Variants in NWD1 observed in about 807,000 individuals in gnomAD.
NWD1 encodes NACHT domain- and WD repeat-containing protein 1.
A neutral mutation model predicts 135.1 loss-of-function variants in NWD1; 129 were observed. The observed-to-expected ratio is 0.96, with a 90% CI of 0.83 to 1.11. The LOEUF (loss-of-function observed/expected upper bound fraction) is 1.11. NWD1 is among the 50% of genes least tolerant of loss of function. The pLI, the probability that NWD1 is intolerant of heterozygous loss-of-function variation, is 0.00. For synonymous variants in NWD1, 773 were observed against 786.0 expected (o/e 0.98, Z 0.28); for missense variants, 1,740 against 1,851.3 (o/e 0.94, Z 1.10).
intron 4 of NWD1, among the ~76,000 whole-genome samples, chr19:16,743,346 G>A (rs573405314): frequency 2.6e-4 from 39 of 152,232 alleles, no homozygotes; most frequent in African/African-American, 8.9e-4. Flanking sequence ...GAGTACCTGA[G>A]ACTACAGATG....
chr19:16,807,192 GA>G (rs1485572474), intron 17 of NWD1, among the ~76,000 whole-genome samples: 1 of 147,644 alleles, frequency 6.8e-6, no homozygotes, highest in Non-Finnish European at 1.5e-5. Flanking sequence ...AAAAAAGAAA[GA>G]AAGAAAATAT....
Position 16,722,818 on chromosome 19 carries a change from G to A in NWD1, c.-104-1548G>A, listed in dbSNP as rs116152307. On this transcript the variant is annotated intron_variant, in intron 1 of 18. Transcript: ENST00000524140. ...TATTGGTTGACCTCTGGAGGGGCTG[G>A]GGATTAAGGTCAGCTATGCTGGTGG... is the stretch of plus-strand genomic sequence containing the variant. 1.7e-3 allele frequency among the ~76,000 whole-genome samples: 251 copies of A among 151,958 alleles called. 1 individual carries two copies. Among genetic ancestry groups the A allele is most frequent in the African/African-American group, 5.9e-3 (243 of 41,480 alleles).
chr19:16,735,734 G>A (rs1967768841), intron 3 of NWD1, among the ~76,000 whole-genome samples: 2 of 151,280 alleles, frequency 1.3e-5, no homozygotes. Flanking sequence ...GGAGACTGAG[G>A]CATAAGAATC....
chr19:16,738,976 T>A (rs886209934), intron 4 of NWD1, among the ~76,000 whole-genome samples: 3 of 149,046 alleles, frequency 2.0e-5, no homozygotes, highest in African/African-American at 7.4e-5. Flanking sequence ...GAAGCAATCC[T>A]CCAGCCTTAG....
chr19:16,723,975 C>T (rs150053211), intron 1 of NWD1, among the ~76,000 whole-genome samples: 174 of 152,264 alleles, frequency 1.1e-3, no homozygotes, highest in Non-Finnish European at 2.1e-3. Context: ...GGATTACAGG[C>T]GTGAGCCATC....
At position 16,750,247 on chromosome 19, in the gene NWD1, G is replaced by T; in HGVS notation, c.1605G>T (p.Arg535=). Reference sequence around the variant, plus strand: ...TCCCAGAGTGTGGGAACCCAGGGCGGCTGAGGCTGGCGTTTGAGGAAGCCC... The same window carrying T: ...TCCCAGAGTGTGGGAACCCAGGGCGTCTGAGGCTGGCGTTTGAGGAAGCCC... ...ASLPECGNPG[R]LRLAFEEARK... is the part of the protein sequence containing the mutation. Residue 535 remains arginine, a synonymous_variant, in exon 6 of 19, where the codon CGG becomes CGT. Transcript: ENST00000524140. 7 of 1,613,610 alleles carry T rather than the reference G, an allele frequency of 4.3e-6. No individual in the cohort carries two copies. Among genetic ancestry groups the T allele is most frequent in the Non-Finnish European group, 5.9e-6 (7 of 1,179,868 alleles).
Position 16,791,642 on chromosome 19 carries a change from A to G in NWD1, c.3213+20A>G, listed in dbSNP as rs772819638. 1.9e-6 allele frequency: 3 copies of G among 1,611,242 alleles called. No individual in the cohort carries two copies. Among genetic ancestry groups the G allele is most frequent in the Non-Finnish European group, 2.5e-6 (3 of 1,177,636 alleles). ...TCTTTGGTAAGCACCTTTACTGACTATGATGTGAACATTAACTCAGCTTGA... is the reference window on the plus strand; with the variant it reads ...TCTTTGGTAAGCACCTTTACTGACTGTGATGTGAACATTAACTCAGCTTGA... On this transcript the variant is annotated intron_variant, in intron 14 of 18. Coordinates refer to ENST00000524140, the MANE Select transcript of NWD1 (RefSeq NM_001007525.5).
chr19:16,763,373 G>A lies in NWD1; in HGVS notation c.2134-455G>A, dbSNP rs750702971. ...ACCCAGCCTGATATTCAGTGCCTTC[G>A]TGATCTGCTGCTTACAAGCTCCCTA... On this transcript the variant is annotated intron_variant, in intron 8 of 18. Transcript: ENST00000524140. Among the ~76,000 whole-genome samples the A allele has an allele frequency of 2.6e-5, 4 of 152,092 alleles. No individual in the cohort carries two copies. In the East Asian group the frequency reaches 5.8e-4, roughly 22 times the overall value.
intron 5 of NWD1, among the ~76,000 whole-genome samples, chr19:16,746,358 TCAAA>T (rs1005420775): frequency 2.0e-5 from 3 of 150,922 alleles, no homozygotes; most frequent in Non-Finnish European, 3.0e-5. Context: ...AGACCCCGTA[TCAAA>T]CAAACAAACA....
intron 15 of NWD1, among the ~76,000 whole-genome samples, chr19:16,795,883 C>A (rs920840144): frequency 3.3e-5 from 5 of 152,254 alleles, no homozygotes; most frequent in African/African-American, 9.6e-5. Flanking sequence ...GACAGAGGGC[C>A]ACAGTGTCAC....
intron 5 of NWD1, among the ~76,000 whole-genome samples, chr19:16,747,020 A>G (rs1968349528): frequency 6.7e-6 from 1 of 150,274 alleles, no homozygotes; most frequent in Non-Finnish European, 1.5e-5. Context: ...TCTAGTTCCA[A>G]GATATTTTCT....
rs565480764 is a variant in NWD1 at position 16,813,740 on chromosome 19, G to T, written c.4288-1288G>T. On this transcript the variant is annotated intron_variant, in intron 18 of 18. Transcript: ENST00000524140. ...GATCCACCCACCTCGGCCTCCCAAA[G>T]TGCTGGGATTAGAGATGTGAGCCAC... Among the ~76,000 whole-genome samples the T allele has an allele frequency of 6.6e-5, 10 of 150,958 alleles. No homozygotes were observed. The East Asian group carries it at 1.8e-3, about 27-fold the overall frequency.
intron 12 of NWD1, among the ~76,000 whole-genome samples, chr19:16,779,848 C>A (rs2122994694): frequency 6.6e-6 from 1 of 152,148 alleles, no homozygotes; most frequent in African/African-American, 2.4e-5. Flanking sequence ...GTTGCCCAGG[C>A]TGGTCTGAAA....
At chr19:16,811,842 C>G (rs987349984) in intron 18 of NWD1, among the ~76,000 whole-genome samples, 2 of 151,966 alleles carry the variant, frequency 1.3e-5, no homozygotes, top group Non-Finnish European at 2.9e-5. Flanking sequence ...ATGATGAAAC[C>G]CCTTCTCTAC....
chr19:16,800,045 G>A lies in NWD1; in HGVS notation c.3619G>A (p.Val1207Met). ...WDLSDAHRSR[V>M]PAPFLDRTGL... The stretch of plus-strand genomic sequence containing the variant: ...TCTCAGCGATGCTCATAGGTCCCGG[G>A]TGCCTGCACCATTTCTGGACCGCAC... The change falls in exon 17 of 19, where the codon GTG becomes ATG. Residue 1207 changes from valine to methionine, a missense_variant. Transcript: ENST00000524140. 1 of 1,614,206 alleles carries A rather than the reference G, an allele frequency of 6.2e-7. No individual in the cohort carries two copies. The highest frequency in any genetic ancestry group is 8.5e-7 in the Non-Finnish European group (1 of 1,180,026).
chr19:16,803,926 C>T (rs951519610), intron 17 of NWD1, among the ~76,000 whole-genome samples: 5 of 146,766 alleles, frequency 3.4e-5, no homozygotes, highest in East Asian at 2.0e-4. Flanking sequence ...CTCCACCACC[C>T]GAAAAAAAAA....
chr19:16,797,807 A>C lies in NWD1; in HGVS notation c.3380A>C (p.His1127Pro), dbSNP rs1472271827. 1 of 1,613,960 alleles carries C rather than the reference A, an allele frequency of 6.2e-7. No individual in the cohort carries two copies. ...CGATTCATGGCCATGGATCTGGAAC[A>C]TGAAGACATGGTGGAGACGGCTGTT... Reference protein sequence around the residue: ...FRRFMAMDLEHEDMVETAVFG... With the variant: ...FRRFMAMDLEPEDMVETAVFG... The change falls in exon 16 of 19, where the codon CAT (histidine) becomes CCT (proline). Residue 1127 changes from histidine (H) to proline (P), a missense_variant. His to Pro is a moderately conservative substitution (Grantham distance 77). Transcript: ENST00000524140.
intron 18 of NWD1, among the ~76,000 whole-genome samples, chr19:16,809,535 CTTT>C (rs1010790169): frequency 4.3e-5 from 6 of 140,904 alleles, no homozygotes; most frequent in Non-Finnish European, 9.3e-5. Flanking sequence ...TGTGCTATTT[CTTT>C]TTTTTTTTCT....
At chr19:16,741,996 A>G (rs572361560) in intron 4 of NWD1, among the ~76,000 whole-genome samples, 1 of 152,152 alleles carries the variant, frequency 6.6e-6, no homozygotes, top group African/African-American at 2.4e-5. Context: ...CTGTAGTCCC[A>G]GCTACTGGGG....
Sources: allele counts gnomAD v4.1 joint callset (sites outside exome capture counted in the v4.1 genomes callset), GRCh38; gene constraint gnomAD v4.1.1; transcripts MANE v1.5; gene names NCBI Gene and HGNC (gene_info 2026-07-23, HGNC 2026-07-21).